ZNF385D: variants seen among roughly 807,000 people sequenced by gnomAD.
ZNF385D encodes zinc finger protein 659.
ZNF385D carries 15 observed loss-of-function variants against 35.8 expected under a neutral mutation model. The ratio of observed to expected loss-of-function variants is 0.42; its 90% CI spans 0.28 to 0.64. The LOEUF (loss-of-function observed/expected upper bound fraction) is 0.64, where lower values mean the gene tolerates loss of function less well. ZNF385D is among the 30% of genes least tolerant of loss of function. The pLI is 0.23. For missense variants in ZNF385D, 474 were observed against 494.6 expected (o/e 0.96, Z 0.39); for synonymous variants, 212 against 186.8 (o/e 1.13, Z -1.10).
At chr3:22,102,273 T>C (rs1701979023) in intron 3 of ZNF385D, among the ~76,000 whole-genome samples, 1 of 152,036 alleles carries the variant, frequency 6.6e-6, no homozygotes, top group Non-Finnish European at 1.5e-5. Flanking sequence ...TATTTTACAC[T>C]CATGATTTCA....
intron 3 of ZNF385D, among the ~76,000 whole-genome samples, chr3:22,058,098 G>T (rs1252710930): frequency 3.3e-5 from 5 of 152,194 alleles, no homozygotes; most frequent in African/African-American, 9.7e-5. Flanking sequence ...CAAGCTGACA[G>T]ACAGCAGAAA....
chr3:21,807,640 A>T (rs1000791312), intron 3 of ZNF385D, among the ~76,000 whole-genome samples: 4 of 152,180 alleles, frequency 2.6e-5, no homozygotes, highest in Admixed American at 1.3e-4. Flanking sequence ...ATATATTTAA[A>T]TAACTTAGTT....
intron 3 of ZNF385D, among the ~76,000 whole-genome samples, chr3:21,802,014 TAC>T (rs2072429242): frequency 2.0e-5 from 3 of 152,118 alleles, no homozygotes; most frequent in Admixed American, 2.0e-4. Context: ...ATGGACAGAA[TAC>T]AGTTTTCAAC....
intron 3 of ZNF385D, among the ~76,000 whole-genome samples, chr3:21,974,183 G>C (rs922760534): frequency 6.6e-6 from 1 of 152,004 alleles, no homozygotes; most frequent in South Asian, 2.1e-4. Flanking sequence ...ATGCGACAGA[G>C]ATAATGTAAG....
At chr3:21,838,447 G>A (rs1025054477) in intron 3 of ZNF385D, among the ~76,000 whole-genome samples, 1 of 152,090 alleles carries the variant, frequency 6.6e-6, no homozygotes, top group South Asian at 2.1e-4. Flanking sequence ...CAACAATGAA[G>A]AGGCCAGCCT....
At chr3:22,141,095 T>C (rs1704476985) in intron 3 of ZNF385D, among the ~76,000 whole-genome samples, 1 of 152,224 alleles carries the variant, frequency 6.6e-6, no homozygotes, top group African/African-American at 2.4e-5. Context: ...GAAAGCCAAC[T>C]ATTTAAAAGG....
intron 3 of ZNF385D, among the ~76,000 whole-genome samples, chr3:22,147,331 T>C (rs1704925156): frequency 6.6e-6 from 1 of 152,132 alleles, no homozygotes; most frequent in South Asian, 2.1e-4. Flanking sequence ...ACGGTAGGCA[T>C]GGGAACCACA....
Position 21,602,517 on chromosome 3 carries a change from C to CTTTTTTTTTTTTTTTTTTTTTTTTTTT in ZNF385D, c.166-37834_166-37833insAAAAAAAAAAAAAAAAAAAAAAAAAAA, listed in dbSNP as rs746138066. On this transcript the variant is annotated intron_variant, in intron 2 of 7. Coordinates refer to ENST00000281523, the MANE Select transcript of ZNF385D (RefSeq NM_024697.3). ...TAGGTCTCCTGTTTCCCTGCATTTT[C>CTTTTTTTTTTTTTTTTTTTTTTTTTTT]TTTTTTTTTTTTTTTTTTTTTTTTT... 1.3e-4 allele frequency among the ~76,000 whole-genome samples: 8 copies of CTTTTTTTTTTTTTTTTTTTTTTTTTTT among 62,716 alleles called. 1 individual carries two copies. The highest frequency in any genetic ancestry group is 4.4e-4 in the Admixed American group (3 of 6,760). 41.1% of individuals were successfully genotyped at this position (62,716 alleles called of 152,430 possible).
chr3:22,072,837 C>T (rs1247823191), intron 3 of ZNF385D, among the ~76,000 whole-genome samples: 2 of 151,962 alleles, frequency 1.3e-5, no homozygotes, highest in Non-Finnish European at 2.9e-5. Flanking sequence ...GGACTGGATT[C>T]TTAGTGTCCT....
chr3:22,148,247 G>C (rs947237191), intron 3 of ZNF385D, among the ~76,000 whole-genome samples: 38 of 152,214 alleles, frequency 2.5e-4, no homozygotes, highest in African/African-American at 8.9e-4. Flanking sequence ...CAATTTGCCA[G>C]ACCTAAAAGA....
At chr3:21,807,445 G>C (rs1559641687) in intron 3 of ZNF385D, among the ~76,000 whole-genome samples, 1 of 152,046 alleles carries the variant, frequency 6.6e-6, no homozygotes, top group Non-Finnish European at 1.5e-5. Flanking sequence ...GTTGTGATTT[G>C]ACTCGCCAAG....
chr3:21,598,994 T>C (rs1445518223), intron 2 of ZNF385D, among the ~76,000 whole-genome samples: 1 of 152,220 alleles, frequency 6.6e-6, no homozygotes, highest in Non-Finnish European at 1.5e-5. Flanking sequence ...GTTGCAATTA[T>C]AAAAATGGCT....
intron 3 of ZNF385D, among the ~76,000 whole-genome samples, chr3:22,156,552 A>T (rs1454724853): frequency 2.6e-5 from 4 of 152,092 alleles, no homozygotes; most frequent in Non-Finnish European, 4.4e-5. Context: ...ATATAACAAG[A>T]AGGAATCACT....
intron 2 of ZNF385D, among the ~76,000 whole-genome samples, chr3:22,348,368 C>T (rs563870503): frequency 1.3e-5 from 2 of 151,090 alleles, no homozygotes; most frequent in Admixed American, 6.6e-5. Flanking sequence ...GGAAAGTAGG[C>T]TGGGTGCCGT....
At chr3:21,854,731 G>T (rs1285014639) in intron 3 of ZNF385D, among the ~76,000 whole-genome samples, 2 of 151,690 alleles carry the variant, frequency 1.3e-5, no homozygotes, top group East Asian at 1.9e-4. Context: ...AGTTCCCAGG[G>T]TCTGTCATAA....
intron 2 of ZNF385D, among the ~76,000 whole-genome samples, chr3:22,191,485 C>T (rs1339195805): frequency 2.2e-5 from 3 of 136,544 alleles, no homozygotes; most frequent in African/African-American, 8.4e-5. Flanking sequence ...GAAACTCCAT[C>T]TAAGAAAAAA....
chr3:21,889,558 T>C (rs1698732307), intron 3 of ZNF385D, among the ~76,000 whole-genome samples: 1 of 151,966 alleles, frequency 6.6e-6, no homozygotes, highest in African/African-American at 2.4e-5. Context: ...TTAATTAGAA[T>C]CAAATAGGAC....
chr3:21,771,059 G>A (rs1360439916), intron 3 of ZNF385D, among the ~76,000 whole-genome samples: 1 of 147,586 alleles, frequency 6.8e-6, no homozygotes, highest in African/African-American at 2.5e-5. Context: ...TTGGACACAG[G>A]AAGGGGAACA....
chr3:22,046,164 G>T (rs1698994482), intron 3 of ZNF385D, among the ~76,000 whole-genome samples: 1 of 152,080 alleles, frequency 6.6e-6, no homozygotes, highest in African/African-American at 2.4e-5. Context: ...TAAACAAATG[G>T]CCACTAAGAG....
Sources: allele counts gnomAD v4.1 joint callset (sites outside exome capture counted in the v4.1 genomes callset), GRCh38; gene constraint gnomAD v4.1.1; transcripts MANE v1.5; gene names NCBI Gene and HGNC (gene_info 2026-07-23, HGNC 2026-07-21).